ASIC2: variants seen among roughly 807,000 people sequenced by gnomAD.
The protein encoded by ASIC2 is acid sensing ion channel subunit 2, also known as acid-sensing ion channel 2.
ASIC2 carries 25 observed loss-of-function variants against 57.3 expected under a neutral mutation model. That is an observed-to-expected ratio of 0.44 (90% CI 0.32 to 0.61). The LOEUF is 0.61. Ranked by LOEUF, ASIC2 falls within the 20% of genes least tolerant of loss-of-function variation. The pLI is 0.06. For missense variants in ASIC2, 641 were observed against 738.1 expected (o/e 0.87, Z 1.52); for synonymous variants, 319 against 307.5 (o/e 1.04, Z -0.39).
rs144837434 is a variant in ASIC2 at position 33,215,994 on chromosome 17, C to T, written c.708+75414G>A. Among the ~76,000 whole-genome samples the T allele has an allele frequency of 1.6e-4, 24 of 152,222 alleles. No homozygotes were observed. In the East Asian group the frequency reaches 3.1e-3, roughly 20 times the overall value. On this transcript the variant is annotated intron_variant, in intron 1 of 9. Coordinates refer to ENST00000225823, the MANE Select transcript of ASIC2 (RefSeq NM_183377.2). ...GATTACAGGCGTCAGCCACCAAGCCCGGCCACATGTGGCTTTTATAGTGAT... is the reference window on the plus strand; with the variant it reads ...GATTACAGGCGTCAGCCACCAAGCCTGGCCACATGTGGCTTTTATAGTGAT...
intron 1 of ASIC2, among the ~76,000 whole-genome samples, chr17:34,119,292 C>G (rs1211502697): frequency 6.6e-6 from 1 of 152,122 alleles, no homozygotes; most frequent in Non-Finnish European, 1.5e-5. Flanking sequence ...TCTCCCAAGC[C>G]TCTGTTTCCT....
chr17:33,543,135 G>T (rs1346785533), intron 1 of ASIC2, among the ~76,000 whole-genome samples: 1 of 124,724 alleles, frequency 8.0e-6, no homozygotes, highest in Non-Finnish European at 1.6e-5. Context: ...GGGGACTGTG[G>T]TGGGGTGGGG....
intron 1 of ASIC2, among the ~76,000 whole-genome samples, chr17:33,745,130 T>C (rs1230533538): frequency 2.0e-5 from 3 of 152,220 alleles, no homozygotes; most frequent in Non-Finnish European, 4.4e-5. Context: ...TGAGGGCCTT[T>C]GGCACTTGAG....
intron 1 of ASIC2, among the ~76,000 whole-genome samples, chr17:34,041,619 A>G (rs1908136075): frequency 2.0e-5 from 3 of 152,240 alleles, no homozygotes; most frequent in African/African-American, 4.8e-5. Context: ...AGTAAATACT[A>G]TAACAAATGT....
At chr17:33,907,181 A>G (rs1000698336) in intron 1 of ASIC2, among the ~76,000 whole-genome samples, 21 of 152,320 alleles carry the variant, frequency 1.4e-4, no homozygotes, top group South Asian at 8.3e-4. Context: ...CTTGAAGCGG[A>G]GGTCCTGTTT....
intron 1 of ASIC2, among the ~76,000 whole-genome samples, chr17:33,809,341 A>G (rs532261093): frequency 6.6e-6 from 1 of 152,348 alleles, no homozygotes; most frequent in South Asian, 2.1e-4. Context: ...CGAAAGAGGT[A>G]GTGGTTGCTT....
At chr17:33,096,486 C>T (rs556278190) in intron 2 of ASIC2, among the ~76,000 whole-genome samples, 1 of 152,322 alleles carries the variant, frequency 6.6e-6, no homozygotes, top group South Asian at 2.1e-4. Context: ...GGATACCTGC[C>T]TCCAAGCGTG....
At chr17:33,644,641 G>A (rs186215663) in intron 1 of ASIC2, among the ~76,000 whole-genome samples, 1 of 152,196 alleles carries the variant, frequency 6.6e-6, no homozygotes, top group Non-Finnish European at 1.5e-5. Context: ...TTAATGCATT[G>A]TATTGGGTTC....
chr17:33,028,416 G>A lies in ASIC2; in HGVS notation c.988-24C>T, dbSNP rs184099982. On this transcript the variant is annotated intron_variant, in intron 3 of 9. Coordinates refer to ENST00000225823, the MANE Select transcript of ASIC2 (RefSeq NM_183377.2). ...AGCTGCAAGACAGGAAGGAGGGGGC[G>A]GCAGTCAGCCTCAACAGACTCAGTA... The A allele has an allele frequency of 5.8e-4, 938 of 1,613,386 alleles. 1 individual carries two copies. Among genetic ancestry groups the A allele is most frequent in the South Asian group, 1.1e-3 (98 of 90,974 alleles).
chr17:33,906,275 C>T (rs1304449147), intron 1 of ASIC2, among the ~76,000 whole-genome samples: 1 of 152,124 alleles, frequency 6.6e-6, no homozygotes, highest in African/African-American at 2.4e-5. Flanking sequence ...GCTTGTATGC[C>T]AACCAGAAGG....
intron 1 of ASIC2, among the ~76,000 whole-genome samples, chr17:33,554,539 G>C (rs191680339): frequency 1.3e-5 from 2 of 152,176 alleles, no homozygotes; most frequent in Non-Finnish European, 2.9e-5. Context: ...GGATCCAAAA[G>C]GGCCTGGGGT....
At chr17:34,062,114 AT>A (rs1389992052) in intron 1 of ASIC2, among the ~76,000 whole-genome samples, 2 of 152,200 alleles carry the variant, frequency 1.3e-5, no homozygotes, top group Non-Finnish European at 2.9e-5. Context: ...GATAGACCAT[AT>A]AATAGGACAT....
At chr17:33,448,749 A>C (rs1280719478) in intron 1 of ASIC2, among the ~76,000 whole-genome samples, 1 of 152,204 alleles carries the variant, frequency 6.6e-6, no homozygotes. Context: ...TAAGCCACTA[A>C]ATTTGTGGTA....
chr17:33,110,049 CTGTG>C (rs5820017), intron 2 of ASIC2, among the ~76,000 whole-genome samples: 6 of 149,480 alleles, frequency 4.0e-5, no homozygotes, highest in Non-Finnish European at 6.0e-5. Flanking sequence ...ATGTGTGTGT[CTGTG>C]TGTGTGTGTG....
chr17:33,845,336 T>G (rs374093424), intron 1 of ASIC2, among the ~76,000 whole-genome samples: 2 of 152,184 alleles, frequency 1.3e-5, no homozygotes, highest in African/African-American at 4.8e-5. Flanking sequence ...TGATCAACTC[T>G]CCACCATTTT....
chr17:34,148,624 TG>T (rs1239773210), intron 1 of ASIC2, among the ~76,000 whole-genome samples: 2 of 152,218 alleles, frequency 1.3e-5, no homozygotes, highest in Admixed American at 1.3e-4. Context: ...TGGATGGTTT[TG>T]CAAGAAGAAC....
At chr17:33,694,602 A>T (rs1908472458) in intron 1 of ASIC2, among the ~76,000 whole-genome samples, 1 of 152,158 alleles carries the variant, frequency 6.6e-6, no homozygotes, top group African/African-American at 2.4e-5. Flanking sequence ...TCTAGTTGAG[A>T]TCTGGGGGTT....
chr17:33,492,857 T>C (rs766626734), intron 1 of ASIC2, among the ~76,000 whole-genome samples: 1 of 152,178 alleles, frequency 6.6e-6, no homozygotes, highest in Non-Finnish European at 1.5e-5. Context: ...CCCAGATAGC[T>C]ACTTGGTGCA....
At chr17:33,730,463 T>A (rs1909708548) in intron 1 of ASIC2, among the ~76,000 whole-genome samples, 1 of 152,224 alleles carries the variant, frequency 6.6e-6, no homozygotes, top group South Asian at 2.1e-4. Context: ...AATTCAAACC[T>A]GGCTCATACA....
Sources: gnomAD v4.1 joint callset for allele counts (sites outside exome capture counted in the v4.1 genomes callset) on GRCh38, gnomAD v4.1.1 for gene constraint, MANE v1.5 for transcripts, NCBI Gene and HGNC (gene_info 2026-07-23, HGNC 2026-07-21) for gene names.